The following BCL11A variants were observed in gnomAD, a reference collection of about 807,000 sequenced individuals.
BCL11A encodes the protein B cell CLL/lymphoma 11A.
BCL11A carries 2 observed loss-of-function variants against 55.9 expected under a neutral mutation model. That is an observed-to-expected ratio of 0.04 (90% CI 0.01 to 0.11). The LOEUF is 0.11. Among genes scored for constraint, BCL11A ranks in the 10% least tolerant of loss-of-function variants. The pLI, the probability that BCL11A is intolerant of heterozygous loss-of-function variation, is 1.00. For synonymous variants in BCL11A, 465 were observed against 473.4 expected, an observed-to-expected ratio of 0.98 and a Z score of 0.23; for missense variants, 817 against 1,137.1, an observed-to-expected ratio of 0.72 and a Z score of 4.05.
Position 60,461,399 on chromosome 2 carries a change from G to T in BCL11A, c.1513C>A (p.Leu505Met). Residue 505 changes from leucine (L) to methionine (M), a missense_variant, in exon 4 of 4, where the codon CTG becomes ATG. By Grantham distance (15) the Leu-to-Met change is conservative. Coordinates refer to ENST00000642384, the MANE Select transcript of BCL11A (RefSeq NM_022893.4). ...TAGTCCACCCTCTCGCTCTCCGTCAGCTCCTCCTCCTCCTCTTCCTCCTCT... is the reference window on the plus strand; with the variant it reads ...TAGTCCACCCTCTCGCTCTCCGTCATCTCCTCCTCCTCCTCTTCCTCCTCT... ...EEEEEEEEEELTESERVDYGF... is the reference protein window; with the variant it reads ...EEEEEEEEEEMTESERVDYGF... 1 of 1,605,098 alleles carries T rather than the reference G, an allele frequency of 6.2e-7. No homozygotes were observed.
At chr2:60,472,912 CT>C (rs1333252022) in intron 2 of BCL11A, among the ~76,000 whole-genome samples, 2 of 152,236 alleles carry the variant, frequency 1.3e-5, no homozygotes, top group East Asian at 3.8e-4. Context: ...GGGAGCCCAA[CT>C]TTAACAGGTA....
intron 2 of BCL11A, among the ~76,000 whole-genome samples, chr2:60,476,798 C>A (rs542512928): frequency 6.6e-6 from 1 of 152,152 alleles, no homozygotes; most frequent in Non-Finnish European, 1.5e-5. Flanking sequence ...GGGGAGCTCA[C>A]TATTTAAAGA....
chr2:60,502,419 ACTT>A (rs1679342602), intron 2 of BCL11A, among the ~76,000 whole-genome samples: 1 of 152,224 alleles, frequency 6.6e-6, no homozygotes. Context: ...AGACAGAATA[ACTT>A]CTTCATCAGA....
At chr2:60,521,107 A>T (rs1000443547) in intron 2 of BCL11A, among the ~76,000 whole-genome samples, 9 of 137,848 alleles carry the variant, frequency 6.5e-5, no homozygotes, top group Admixed American at 2.8e-4. Flanking sequence ...ACACTCACAC[A>T]CACACACACA....
intron 1 of BCL11A, among the ~76,000 whole-genome samples, chr2:60,548,296 A>C (rs1670240883): frequency 6.6e-6 from 1 of 151,360 alleles, no homozygotes; most frequent in Non-Finnish European, 1.5e-5. Context: ...AACCTTTGCA[A>C]AAAAAAAAAT....
chr2:60,533,090 A>G (rs1373134315), intron 2 of BCL11A: 1 of 152,164 alleles, frequency 6.6e-6, no homozygotes, highest in Non-Finnish European at 1.5e-5. Context: ...TTGACTTACC[A>G]TTATGTTTCA....
intron 2 of BCL11A, chr2:60,508,667 A>C (rs987649133): frequency 1.3e-5 from 2 of 152,246 alleles, no homozygotes; most frequent in Non-Finnish European, 2.9e-5. Context: ...CACGGCAGGA[A>C]ACAGCCTCAG....
intron 2 of BCL11A, among the ~76,000 whole-genome samples, chr2:60,530,131 C>A (rs1438870258): frequency 6.6e-6 from 1 of 152,044 alleles, no homozygotes; most frequent in Non-Finnish European, 1.5e-5. Flanking sequence ...ATAAGAAAAT[C>A]GAGAACAAAA....
chr2:60,550,343 AC>A (rs953943154), intron 1 of BCL11A, among the ~76,000 whole-genome samples: 1 of 152,174 alleles, frequency 6.6e-6, no homozygotes, highest in Non-Finnish European at 1.5e-5. Context: ...AAAATGAAGA[AC>A]AAAGACATAC....
At chr2:60,465,294 G>T (rs1253148714) in intron 3 of BCL11A, among the ~76,000 whole-genome samples, 1 of 152,206 alleles carries the variant, frequency 6.6e-6, no homozygotes, top group Non-Finnish European at 1.5e-5. Flanking sequence ...GGCAAAATTA[G>T]GGCTACATTG....
downstream of BCL11A, chr2:60,452,856 G>A (rs1053292593): frequency 1.3e-5 from 7 of 535,340 alleles, no homozygotes; most frequent in South Asian, 6.3e-5. Context: ...CCTCTGAGTC[G>A]TCTTCCCATG....
At chr2:60,505,857 G>A (rs1679560570) in intron 2 of BCL11A, among the ~76,000 whole-genome samples, 1 of 152,208 alleles carries the variant, frequency 6.6e-6, no homozygotes, top group Non-Finnish European at 1.5e-5. Context: ...GAGGGAGGGG[G>A]AAATCCCTCC....
intron 1 of BCL11A, among the ~76,000 whole-genome samples, chr2:60,547,426 T>C (rs1212821313): frequency 2.0e-5 from 3 of 151,850 alleles, no homozygotes; most frequent in African/African-American, 7.3e-5. Flanking sequence ...GCATCTACTT[T>C]ACCAGCTTCT....
At chr2:60,523,182 A>C (rs1261983319) in intron 2 of BCL11A, among the ~76,000 whole-genome samples, 1 of 152,222 alleles carries the variant, frequency 6.6e-6, no homozygotes, top group Non-Finnish European at 1.5e-5. Flanking sequence ...GCAGAACCGT[A>C]AAGAAGGGAG....
chr2:60,458,601 GTTT>G lies in BCL11A; in HGVS notation c.*1800_*1802del. On this transcript the variant is annotated 3_prime_UTR_variant, in exon 4 of 4. Transcript: ENST00000642384. ...AATAGTCAAGTAAATGGCTGGCAAA[GTTT>G]TTTTTTTTTTAGTTTTTAAAAAATG... 4.7e-6 allele frequency: 4 copies of G among 849,728 alleles called. No individual in the cohort carries two copies. Among genetic ancestry groups the G allele is most frequent in the Middle Eastern group, 5.6e-4 (1 of 1,788 alleles). 52.6% of individuals were successfully genotyped at this position (849,728 alleles called of 1,614,324 possible).
In BCL11A at chr2:60,468,020, G is replaced by GTAGTGATGGTGCTGGTGGTCA. The variant is rs1558620898; in HGVS notation, c.487+711_487+712insTGACCACCAGCACCATCACTA. On this transcript the variant is annotated intron_variant, in intron 3 of 3. Coordinates refer to ENST00000642384, the MANE Select transcript of BCL11A (RefSeq NM_022893.4). ...GGTGGTGGTGGTGATGGTGGTGGTG[G>GTAGTGATGGTGCTGGTGGTCA]TGGTAGTGGTGGTGATGGTGGTGAT... 1.7e-4 allele frequency among the ~76,000 whole-genome samples: 14 copies of GTAGTGATGGTGCTGGTGGTCA among 83,940 alleles called. 2 individuals carry two copies. Among genetic ancestry groups the GTAGTGATGGTGCTGGTGGTCA allele is most frequent in the African/African-American group, 7.0e-4 (13 of 18,600 alleles). The allele number at this position is 83,940 out of a possible 152,430, so 55.1% of individuals were successfully genotyped here. A position where few individuals can be genotyped will look rare whatever the true frequency, so the allele number is the denominator to read the frequency against.
At chr2:60,511,581 C>T (rs1049345414) in intron 2 of BCL11A, among the ~76,000 whole-genome samples, 4 of 151,814 alleles carry the variant, frequency 2.6e-5, no homozygotes, top group Middle Eastern at 3.2e-3. Flanking sequence ...GTTAACAGAG[C>T]GCTAATCTGA....
At chr2:60,470,574 A>G (rs550269066) in intron 2 of BCL11A, among the ~76,000 whole-genome samples, 1 of 152,298 alleles carries the variant, frequency 6.6e-6, no homozygotes, top group South Asian at 2.1e-4. Flanking sequence ...ATTCTCTGCC[A>G]CTTACTCTGG....
At chr2:60,484,306 G>C (rs1243777100) in intron 2 of BCL11A, 1 of 152,284 alleles carries the variant, frequency 6.6e-6, no homozygotes. Flanking sequence ...GCTGAAAATA[G>C]CTCGAATTCC....
Sources: gnomAD v4.1 joint callset for allele counts (sites outside exome capture counted in the v4.1 genomes callset) on GRCh38, gnomAD v4.1.1 for gene constraint, MANE v1.5 for transcripts, NCBI Gene and HGNC (gene_info 2026-07-23, HGNC 2026-07-21) for gene names.